Variants in TTC6 observed in about 807,000 individuals in gnomAD.
The protein encoded by TTC6 is tetratricopeptide repeat domain 6.
Under a neutral mutation model 210.4 loss-of-function variants are expected in TTC6, and 172 were observed. That is an observed-to-expected ratio of 0.82 (90% CI 0.72 to 0.93). The LOEUF (loss-of-function observed/expected upper bound fraction) is 0.93. TTC6 is among the 40% of genes least tolerant of loss of function. TTC6 has a pLI of 0.00. For missense variants in TTC6, 2,414 were observed against 2,318.1 expected (o/e 1.04, Z -0.85); for synonymous variants, 804 against 819.6 (o/e 0.98, Z 0.32).
rs550353806 is a variant in TTC6, at chr14:37,627,501, T to G, written c.939+4498T>G. On this transcript the variant is annotated intron_variant, in intron 1 of 30. Transcript: ENST00000553443. ...CCGCTGTGTGATGTTCCCTTCCCTG[T>G]GTCCATGTGTTCTCATTGTTCAACT... Among the ~76,000 whole-genome samples, 12 of 150,676 alleles carry G rather than the reference T, an allele frequency of 8.0e-5. No individual in the cohort carries two copies. The East Asian group carries it at 2.2e-3, about 28-fold the overall frequency.
chr14:37,704,926 T>G (rs12882773), intron 5 of TTC6, among the ~76,000 whole-genome samples: 8,719 of 152,254 alleles, frequency 0.057, 385 homozygotes, highest in Non-Finnish European at 0.089. Context: ...AATCTTCTTT[T>G]CCTTACTGAT....
At chr14:37,655,412 G>A (rs1297167246) in intron 1 of TTC6, among the ~76,000 whole-genome samples, 1 of 152,092 alleles carries the variant, frequency 6.6e-6, no homozygotes, top group Non-Finnish European at 1.5e-5. Context: ...TTTAATTTCT[G>A]TATTGCTACT....
In TTC6 at chr14:37,808,932, A is replaced by T; in HGVS notation, c.4569+86A>T. On this transcript the variant is annotated intron_variant, in intron 24 of 30. Transcript: ENST00000553443. ...ATAGCTTGTGGATTTCAATCAATAA[A>T]TATTTAATAAACAATATGTTAAAGC... The T allele has an allele frequency of 5.8e-6, 4 of 686,454 alleles. No individual in the cohort carries two copies. The South Asian group carries it at 7.8e-5, about 13-fold the overall frequency. 42.5% of individuals were successfully genotyped at this position (686,454 alleles called of 1,614,324 possible).
At chr14:37,653,630 T>A (rs1240159878) in intron 1 of TTC6, among the ~76,000 whole-genome samples, 1 of 152,182 alleles carries the variant, frequency 6.6e-6, no homozygotes, top group African/African-American at 2.4e-5. Context: ...AGGGAGGCTG[T>A]TTTCAGTCCA....
chr14:37,670,055 A>G (rs1203597661), intron 1 of TTC6, among the ~76,000 whole-genome samples: 6 of 152,222 alleles, frequency 3.9e-5, no homozygotes, highest in Non-Finnish European at 5.9e-5. Context: ...ATATGAATCA[A>G]TCACTCTTCA....
intron 13 of TTC6, among the ~76,000 whole-genome samples, chr14:37,751,898 A>G (rs1426541753): frequency 1.4e-5 from 2 of 141,096 alleles, no homozygotes; most frequent in East Asian, 4.2e-4. Flanking sequence ...ATCTCGGCTC[A>G]CTGCAAGCTC....
chr14:37,824,843 G>C (rs1321414200), intron 27 of TTC6, among the ~76,000 whole-genome samples: 1 of 152,138 alleles, frequency 6.6e-6, no homozygotes, highest in Non-Finnish European at 1.5e-5. Flanking sequence ...TTGTAAGAAA[G>C]AGACAAGAGG....
chr14:37,645,402 G>A (rs910060233), intron 1 of TTC6, among the ~76,000 whole-genome samples: 1 of 152,188 alleles, frequency 6.6e-6, no homozygotes, highest in Non-Finnish European at 1.5e-5. Context: ...TGTACCAGAT[G>A]CTTGGAAATG....
At chr14:37,693,474 A>G (rs1339739269) in intron 3 of TTC6, among the ~76,000 whole-genome samples, 1 of 152,190 alleles carries the variant, frequency 6.6e-6, no homozygotes, top group East Asian at 1.9e-4. Flanking sequence ...TGCAATCTGT[A>G]TCAAAATACC....
At chr14:37,654,421 C>T (rs1212289033) in intron 1 of TTC6, among the ~76,000 whole-genome samples, 1 of 152,000 alleles carries the variant, frequency 6.6e-6, no homozygotes, top group African/African-American at 2.4e-5. Flanking sequence ...GCACCCACCC[C>T]CTCACTCTCT....
intron 14 of TTC6, among the ~76,000 whole-genome samples, chr14:37,782,719 A>C (rs2096058200): frequency 6.6e-6 from 1 of 152,122 alleles, no homozygotes; most frequent in Non-Finnish European, 1.5e-5. Flanking sequence ...TTTCAAAGGG[A>C]ATGTTTCCAG....
At chr14:37,840,477 C>G (rs894857640) in intron 29 of TTC6, among the ~76,000 whole-genome samples, 3 of 152,128 alleles carry the variant, frequency 2.0e-5, no homozygotes, top group South Asian at 4.2e-4. Context: ...GGAATCCTCC[C>G]TAACTCATTT....
intron 1 of TTC6, among the ~76,000 whole-genome samples, chr14:37,628,925 G>A (rs764135218): frequency 8.5e-5 from 13 of 152,056 alleles, no homozygotes; most frequent in Admixed American, 5.9e-4. Flanking sequence ...GTAGATGTGT[G>A]GTGTTATTTC....
intron 5 of TTC6, among the ~76,000 whole-genome samples, chr14:37,712,814 A>G (rs2095846700): frequency 6.6e-6 from 1 of 152,142 alleles, no homozygotes; most frequent in Admixed American, 6.6e-5. Context: ...GGGAACTACA[A>G]TTCAAGATGA....
chr14:37,639,481 T>C (rs2095687445), intron 1 of TTC6, among the ~76,000 whole-genome samples: 1 of 152,198 alleles, frequency 6.6e-6, no homozygotes, highest in South Asian at 2.1e-4. Flanking sequence ...AAATTAATTA[T>C]AGTTTTTTTC....
At chr14:37,750,363 G>A (rs1357097051) in intron 12 of TTC6, among the ~76,000 whole-genome samples, 1 of 152,080 alleles carries the variant, frequency 6.6e-6, no homozygotes, top group Non-Finnish European at 1.5e-5. Flanking sequence ...TAAAACATGA[G>A]CTTAATAAAT....
At chr14:37,772,915 A>G (rs181154899) in intron 14 of TTC6, among the ~76,000 whole-genome samples, 17 of 152,198 alleles carry the variant, frequency 1.1e-4, no homozygotes, top group Admixed American at 2.0e-4. Flanking sequence ...AACCTCACCA[A>G]GAAAATGTCA....
chr14:37,655,786 G>A (rs2095721378), intron 1 of TTC6, among the ~76,000 whole-genome samples: 2 of 151,870 alleles, frequency 1.3e-5, no homozygotes, highest in Non-Finnish European at 2.9e-5. Context: ...CATTAATAGG[G>A]GTCTTTGTTA....
At chr14:37,677,483 A>G (rs2095772697) in intron 1 of TTC6, among the ~76,000 whole-genome samples, 1 of 151,956 alleles carries the variant, frequency 6.6e-6, no homozygotes, top group African/African-American at 2.4e-5. Flanking sequence ...AATCATATTC[A>G]TTTGCAAATA....
Sources: allele counts gnomAD v4.1 joint callset (sites outside exome capture counted in the v4.1 genomes callset), GRCh38; gene constraint gnomAD v4.1.1; transcripts MANE v1.5; gene names NCBI Gene and HGNC (gene_info 2026-07-23, HGNC 2026-07-21).